TRAPPC9: variants seen among roughly 807,000 people sequenced by gnomAD.
TRAPPC9 encodes IKK2 binding protein.
In TRAPPC9, 83 loss-of-function variants were observed where a neutral mutation model predicts 124.0. The ratio of observed to expected loss-of-function variants is 0.67; its 90% confidence interval spans 0.56 to 0.80. The LOEUF (loss-of-function observed/expected upper bound fraction) is 0.80. Ranked by LOEUF, TRAPPC9 falls within the 30% of genes least tolerant of loss-of-function variation. The probability of loss-of-function intolerance (pLI) is 0.00; values close to 1 mark genes in which losing one functional copy is unlikely to be tolerated. For synonymous variants in TRAPPC9, 638 were observed against 617.5 expected (o/e 1.03, Z -0.49); for missense variants, 1,302 against 1,508.3 (o/e 0.86, Z 2.27).
chr8:139,823,584 G>A (rs1316549253), intron 21 of TRAPPC9, among the ~76,000 whole-genome samples: 2 of 152,192 alleles, frequency 1.3e-5, no homozygotes, highest in East Asian at 1.9e-4. Flanking sequence ...CTGGACTTGG[G>A]CCTGTGCTCC....
intron 21 of TRAPPC9, among the ~76,000 whole-genome samples, chr8:139,829,471 C>T (rs1825837659): frequency 6.6e-6 from 1 of 152,236 alleles, no homozygotes; most frequent in African/African-American, 2.4e-5. Context: ...AATGGGAGAG[C>T]TCTGCCTCAA....
chr8:140,219,678 T>C (rs568117779), intron 17 of TRAPPC9, among the ~76,000 whole-genome samples: 3 of 152,264 alleles, frequency 2.0e-5, no homozygotes, highest in African/African-American at 4.8e-5. Flanking sequence ...CATTAAACTA[T>C]CTCTTCGCTG....
At chr8:140,050,217 A>G (rs1007648970) in intron 17 of TRAPPC9, among the ~76,000 whole-genome samples, 1 of 152,172 alleles carries the variant, frequency 6.6e-6, no homozygotes, top group Admixed American at 6.5e-5. Flanking sequence ...GTGCTTCATG[A>G]GTCATCAAAG....
chr8:139,967,760 C>T lies in TRAPPC9; in HGVS notation c.2810+20966G>A, dbSNP rs528650517. 9.2e-4 allele frequency among the ~76,000 whole-genome samples: 140 copies of T among 152,322 alleles called. 1 individual carries two copies. Among genetic ancestry groups the T allele is most frequent in the Non-Finnish European group, 1.6e-3 (109 of 68,026 alleles). On this transcript the variant is annotated intron_variant, in intron 19 of 22. Coordinates refer to ENST00000438773, the MANE Select transcript of TRAPPC9 (RefSeq NM_001160372.4). ...TATTACCCCAGCATTTTTCCTTTGT[C>T]TTCTCCCTCTGCTATGGAATAATAA...
intron 21 of TRAPPC9, among the ~76,000 whole-genome samples, chr8:139,750,310 G>A (rs2130192737): frequency 1.3e-5 from 2 of 152,270 alleles, no homozygotes; most frequent in South Asian, 4.2e-4. Flanking sequence ...AATGAATACT[G>A]GTTTACCAGA....
At chr8:140,222,420 G>C (rs907068316) in intron 16 of TRAPPC9, among the ~76,000 whole-genome samples, 2 of 152,204 alleles carry the variant, frequency 1.3e-5, no homozygotes, top group Admixed American at 6.5e-5. Flanking sequence ...CTAGCTCTGA[G>C]AGTATGTCCA....
chr8:140,378,707 G>A (rs1051448043), intron 7 of TRAPPC9, among the ~76,000 whole-genome samples: 14 of 151,990 alleles, frequency 9.2e-5, no homozygotes, highest in Non-Finnish European at 1.6e-4. Context: ...TTTGCTAAAC[G>A]TGTCGTTTAG....
rs907623357 is a variant in TRAPPC9, at chr8:139,976,861, C to T, written c.2810+11865G>A. Among the ~76,000 whole-genome samples, 10 of 152,314 alleles carry T rather than the reference C, an allele frequency of 6.6e-5. No homozygotes were observed. In the South Asian group the frequency reaches 8.3e-4, roughly 13 times the overall value. ...ATGCTGCCTGTTCACCTCTGCTCCT[C>T]TGAGAGGAGCAGTGTGGGGGAGCTG... On this transcript the variant is annotated intron_variant, in intron 19 of 22. Coordinates refer to ENST00000438773, the MANE Select transcript of TRAPPC9 (RefSeq NM_001160372.4).
At position 140,450,914 on chromosome 8, in the gene TRAPPC9, A is replaced by T; in HGVS notation, c.460T>A (p.Ser154Thr). The T allele has an allele frequency of 1.2e-6, 2 of 1,614,062 alleles. No individual in the cohort carries two copies. Among genetic ancestry groups the T allele is most frequent in the Non-Finnish European group, 1.7e-6 (2 of 1,179,992 alleles). The change falls in exon 2 of 23, where the codon TCA becomes ACA. Residue 154 changes from serine (S) to threonine (T), a missense_variant. By Grantham distance (58) the Ser-to-Thr change is moderately conservative. Around this residue, in one of 3 missense-constraint regions of TRAPPC9, gnomAD observed 657 missense variants for 811.2 expected, o/e 0.81. Coordinates refer to ENST00000438773, the MANE Select transcript of TRAPPC9 (RefSeq NM_001160372.4). ...TTGGACTCCAGCACGATGAACAGTG[A>T]CTCGATGAAGTCCTCGATTCTCTTC... ...VEKRIEDFIE[S>T]LFIVLESKRL...
At chr8:139,803,713 T>A (rs1410996865) in intron 21 of TRAPPC9, among the ~76,000 whole-genome samples, 1 of 152,236 alleles carries the variant, frequency 6.6e-6, no homozygotes, top group Non-Finnish European at 1.5e-5. Context: ...TCAAAGGCGA[T>A]ATGTGGCTGT....
At chr8:140,199,482 G>A (rs768730212) in intron 17 of TRAPPC9, among the ~76,000 whole-genome samples, 4 of 151,830 alleles carry the variant, frequency 2.6e-5, no homozygotes, top group African/African-American at 4.9e-5. Flanking sequence ...AGGTGATCAA[G>A]CTGGAATGTG....
intron 17 of TRAPPC9, among the ~76,000 whole-genome samples, chr8:140,164,859 T>C (rs1172723001): frequency 6.6e-6 from 1 of 152,142 alleles, no homozygotes; most frequent in African/African-American, 2.4e-5. Context: ...CTCCTGCCCA[T>C]ACCTAACTCC....
chr8:140,163,815 A>C (rs1208013384), intron 17 of TRAPPC9, among the ~76,000 whole-genome samples: 1 of 152,224 alleles, frequency 6.6e-6, no homozygotes, highest in African/African-American at 2.4e-5. Context: ...TCAATGCAAA[A>C]GCCTATTAAC....
At chr8:139,996,478 A>T (rs951437208) in intron 18 of TRAPPC9, among the ~76,000 whole-genome samples, 3 of 152,160 alleles carry the variant, frequency 2.0e-5, no homozygotes, top group African/African-American at 7.2e-5. Flanking sequence ...ATCAGTAAGG[A>T]ATTAAACAAG....
At chr8:140,166,930 G>T (rs975901165) in intron 17 of TRAPPC9, among the ~76,000 whole-genome samples, 2 of 152,310 alleles carry the variant, frequency 1.3e-5, no homozygotes, top group South Asian at 2.1e-4. Flanking sequence ...AACAGTTGGG[G>T]AGAGAAAGCA....
Position 139,825,940 on chromosome 8 carries a change from G to T in TRAPPC9, c.3055+59939C>A, listed in dbSNP as rs528555508. ...GAGAGGTGAGCATCGGATATAACCCGCCCGTGGAACAGGCCATGATGAGGA... is the reference window on the plus strand; with the variant it reads ...GAGAGGTGAGCATCGGATATAACCCTCCCGTGGAACAGGCCATGATGAGGA... On this transcript the variant is annotated intron_variant, in intron 21 of 22. Coordinates refer to ENST00000438773, the MANE Select transcript of TRAPPC9 (RefSeq NM_001160372.4). This position sits in a 1 kb window ranked among gnomAD's most constrained non-coding sequence, Gnocchi z 4.6. Among the ~76,000 whole-genome samples the T allele has an allele frequency of 6.6e-6, 1 of 152,174 alleles. No homozygotes were observed. The highest frequency in any genetic ancestry group is 2.4e-5 in the African/African-American group (1 of 41,436).
intron 21 of TRAPPC9, among the ~76,000 whole-genome samples, chr8:139,834,827 A>T (rs1586948259): frequency 6.6e-6 from 1 of 152,220 alleles, no homozygotes; most frequent in South Asian, 2.1e-4. Flanking sequence ...CAGGATGTAA[A>T]CCGCAGCTCA....
At chr8:139,942,626 T>C (rs1361221759) in intron 19 of TRAPPC9, among the ~76,000 whole-genome samples, 2 of 152,170 alleles carry the variant, frequency 1.3e-5, no homozygotes, top group African/African-American at 4.8e-5. Flanking sequence ...AAATAATTAC[T>C]ATAAATTCTG....
rs763615555 is a variant in TRAPPC9, at chr8:140,097,697, A to G, written c.2557-73618T>C. 13 of 151,956 alleles carry G rather than the reference A, an allele frequency of 8.6e-5. No homozygotes were observed. The highest frequency in any genetic ancestry group is 1.9e-4 in the Non-Finnish European group (13 of 67,972). 9.4% of individuals were successfully genotyped at this position (151,956 alleles called of 1,614,324 possible). A position where few individuals can be genotyped will look rare whatever the true frequency, so the allele number is the denominator to read the frequency against. The stretch of plus-strand genomic sequence containing the variant: ...CCAGCTGTGCCGCTGTCCACAGGGT[A>G]AGAACGCCTGTCTGGGTGGGTCCTT... On this transcript the variant is annotated intron_variant, in intron 17 of 22. Transcript: ENST00000438773. This position sits in a 1 kb window ranked among gnomAD's most constrained non-coding sequence, Gnocchi z 4.2.
Sources: allele counts gnomAD v4.1 joint callset (sites outside exome capture counted in the v4.1 genomes callset), GRCh38; gene constraint gnomAD v4.1.1; regional missense constraint gnomAD v4.1.1; non-coding constraint Gnocchi (gnomAD v3.1); transcripts MANE v1.5; gene names NCBI Gene and HGNC (gene_info 2026-07-23, HGNC 2026-07-21).